ACE: variants seen among roughly 807,000 people sequenced by gnomAD.
ACE encodes the protein angiotensin I converting enzyme.
Under a neutral mutation model 162.3 loss-of-function variants are expected in ACE, and 122 were observed. That is an observed-to-expected ratio of 0.75 (90% CI 0.65 to 0.87). The LOEUF (loss-of-function observed/expected upper bound fraction) is 0.87, where lower values mean the gene tolerates loss of function less well. Among genes scored for constraint, ACE ranks in the 40% least tolerant of loss-of-function variants. ACE has a pLI of 0.00. For synonymous variants in ACE, 796 were observed against 720.6 expected (o/e 1.10, Z -1.68); for missense variants, 1,799 against 1,735.1 (o/e 1.04, Z -0.65).
intron 22 of ACE, chr17:63,496,177 A>G: frequency 3.2e-6 from 2 of 627,958 alleles, no homozygotes; most frequent in Non-Finnish European, 5.6e-6. Context: ...GGTGGGAGGC[A>G]TCTACACAGG....
intron 14 of ACE, 67 bp from the exon 15 acceptor site, chr17:63,486,919 G>C (rs1157393232): frequency 3.4e-5 from 51 of 1,497,694 alleles, no homozygotes; most frequent in South Asian, 2.6e-4. Flanking sequence ...GGGCCTGGGG[G>C]TAGTGCAGGC....
At position 63,483,567 on chromosome 17, in the gene ACE, G is replaced by GCGGGGGGGGGGGCCCGCCCCCCCCCCC; in HGVS notation, c.1586+10_1586+11insGGGGGGGGGGGCCCGCCCCCCCCCCCC. 6.3e-7 allele frequency: 1 copy of GCGGGGGGGGGGGCCCGCCCCCCCCCCC among 1,589,582 alleles called. No individual in the cohort carries two copies. The highest frequency in any genetic ancestry group is 8.6e-7 in the Non-Finnish European group (1 of 1,165,688). ...GTGACACCATACATCAGGTATTAGC[G>GCGGGGGGGGGGGCCCGCCCCCCCCCCC]CCCCCACCCCACCCACCCCCAGTAC... On this transcript the variant is annotated intron_variant, in intron 10 of 24. Coordinates refer to ENST00000290866, the MANE Select transcript of ACE (RefSeq NM_000789.4).
chr17:63,477,087 A>T lies in ACE; in HGVS notation c.-8A>T. On this transcript the variant is annotated 5_prime_UTR_variant, in exon 1 of 25. Coordinates refer to ENST00000290866, the MANE Select transcript of ACE (RefSeq NM_000789.4). ...GAAGGGGCAGAGCCGAGCACCGCGC[A>T]CCGCGTCATGGGGGCCGCCTCGGGC... The T allele has an allele frequency of 7.7e-7, 1 of 1,300,534 alleles. No individual in the cohort carries two copies. The highest frequency in any genetic ancestry group is 9.7e-7 in the Non-Finnish European group (1 of 1,032,354). The allele number at this position is 1,300,534 out of a possible 1,614,324, so 80.6% of individuals were successfully genotyped here. A position where few individuals can be genotyped will look rare whatever the true frequency, so the allele number is the denominator to read the frequency against.
intron 19 of ACE, among the ~76,000 whole-genome samples, chr17:63,492,521 G>T (rs1174857745): frequency 6.6e-6 from 1 of 152,216 alleles, no homozygotes; most frequent in East Asian, 1.9e-4. Context: ...GACAGGATCT[G>T]GGGGATGAGA....
At chr17:63,481,008 C>T (rs1599139870) in intron 5 of ACE, 83 bp from the exon 6 acceptor site, 4 of 1,382,390 alleles carry the variant, frequency 2.9e-6, no homozygotes, top group Non-Finnish European at 3.1e-6. Flanking sequence ...CAGGTGCCGG[C>T]CCCAGGGTGC....
chr17:63,493,405 A>AACACCCTCTCCCC, intron 19 of ACE, 31 bp from the exon 20 acceptor site: 1 of 1,608,884 alleles, frequency 6.2e-7, no homozygotes, highest in Non-Finnish European at 8.5e-7. Context: ...GTCCTCTCCC[A>AACACCCTCTCCCC]ACACCCTCTC....
intron 13 of ACE, 103 bp from the exon 14 acceptor site, chr17:63,486,454 C>T (rs1440688043): frequency 7.6e-7 from 1 of 1,307,672 alleles, no homozygotes; most frequent in Non-Finnish European, 1.1e-6. Flanking sequence ...TTCCACTGCC[C>T]CCTCACCACC....
In ACE at chr17:63,483,012, A is replaced by C; in HGVS notation, c.1343-17A>C. 1 of 1,613,458 alleles carries C rather than the reference A, an allele frequency of 6.2e-7. No individual in the cohort carries two copies. The highest frequency in any genetic ancestry group is 1.6e-4 in the Middle Eastern group (1 of 6,062). ...CCTCTGACCTCTTCCCTCTCCTTTC[A>C]TCTCATCTCCCAACAGAAAGTGACA... On this transcript the variant is annotated splice_polypyrimidine_tract_variant and intron_variant, in intron 8 of 24. Transcript: ENST00000290866.
chr17:63,484,403 G>A lies in ACE; in HGVS notation c.1783G>A (p.Asp595Asn). The A allele has an allele frequency of 6.2e-7, 1 of 1,612,158 alleles. No homozygotes were observed. The highest frequency in any genetic ancestry group is 8.5e-7 in the Non-Finnish European group (1 of 1,179,878). The change falls in exon 12 of 25, where the codon GAT (aspartate) becomes AAT (asparagine). Residue 595 changes from aspartate to asparagine, a missense_variant. Physicochemically the swap from Asp to Asn is conservative, Grantham distance 23 (BLOSUM62 1). Coordinates refer to ENST00000290866, the MANE Select transcript of ACE (RefSeq NM_000789.4). The surrounding 1 kb of genome is among the most constrained non-coding windows in gnomAD (Gnocchi z 4.0). ...GGACATGGTCGGCTTAGATGCCCTGGATGCCCAGCCGCTGCTCAAGTACTT... is the reference window on the plus strand; with the variant it reads ...GGACATGGTCGGCTTAGATGCCCTGAATGCCCAGCCGCTGCTCAAGTACTT... The part of the protein sequence containing the change: ...LKDMVGLDAL[D>N]AQPLLKYFQP...
chr17:63,477,363 C>CG lies in ACE; in HGVS notation c.249+25dup, dbSNP rs755617014. 8.4e-7 allele frequency: 1 copy of CG among 1,183,834 alleles called. No individual in the cohort carries two copies. The highest frequency in any genetic ancestry group is 1.7e-5 in the African/African-American group (1 of 59,902). The allele number at this position is 1,183,834 out of a possible 1,614,324, so 73.3% of individuals were successfully genotyped here. Reference sequence around the variant, plus strand: ...CGCCAGGTGGGCGCCCGGGCCCGGGCGGGGGCGGGGCGGGGCCGCGGCGGC... The same window carrying CG: ...CGCCAGGTGGGCGCCCGGGCCCGGGCGGGGGGCGGGGCGGGGCCGCGGCGGC... On this transcript the variant is annotated intron_variant, in intron 1 of 24. Coordinates refer to ENST00000290866, the MANE Select transcript of ACE (RefSeq NM_000789.4).
intron 17 of ACE, 53 bp from the exon 18 acceptor site, chr17:63,490,901 C>T: frequency 6.4e-7 from 1 of 1,556,710 alleles, no homozygotes; most frequent in Non-Finnish European, 8.9e-7. Context: ...GGGCATTGAG[C>T]CTAAGTAACA....
chr17:63,497,083 C>T, intron 24 of ACE, 54 bp from the exon 25 acceptor site: 1 of 1,590,352 alleles, frequency 6.3e-7, no homozygotes, highest in Non-Finnish European at 8.5e-7. Context: ...TGCCCCGCAC[C>T]CTTGCCCTGC....
rs150382846 is a variant in ACE, at chr17:63,477,934, G to A, written c.253G>A (p.Glu85Lys). 6.2e-5 allele frequency: 100 copies of A among 1,609,884 alleles called. No homozygotes were observed. The highest frequency in any genetic ancestry group is 8.1e-5 in the Non-Finnish European group (95 of 1,178,454). The change falls in exon 2 of 25, where the codon GAA (glutamate) becomes AAA (lysine). Residue 85 changes from glutamate to lysine, a missense_variant. Physicochemically the swap from Glu to Lys is moderately conservative, Grantham distance 56. Coordinates refer to ENST00000290866, the MANE Select transcript of ACE (RefSeq NM_000789.4). ...ITAENARRQEEAALLSQEFAE... is the reference protein window; with the variant it reads ...ITAENARRQEKAALLSQEFAE... ...CTGCCCTCCTGGTGCCCAATAGGAG[G>A]AAGCAGCCCTGCTCAGCCAGGAGTT...
Position 63,497,372 on chromosome 17 carries a change from C to A in ACE, c.*6C>A, listed in dbSNP as rs1244430913. The A allele has an allele frequency of 1.3e-6, 2 of 1,547,692 alleles. No homozygotes were observed. Among genetic ancestry groups the A allele is most frequent in the Non-Finnish European group, 1.7e-6 (2 of 1,146,624 alleles). Reference sequence around the variant, plus strand: ...TGGAGCTGAGACACTCCTGAGGTGACCCGGCTGGGTCGGCCCTGCCCAAGG... The same window carrying A: ...TGGAGCTGAGACACTCCTGAGGTGAACCGGCTGGGTCGGCCCTGCCCAAGG... On this transcript the variant is annotated 3_prime_UTR_variant, in exon 25 of 25. Transcript: ENST00000290866.
At chr17:63,486,846 A>T (rs1013313990) in intron 14 of ACE, 131 bp downstream of exon 14, 76 of 1,474,758 alleles carry the variant, frequency 5.2e-5, no homozygotes, top group East Asian at 2.5e-4. Flanking sequence ...TGCGATGTGC[A>T]CCTCAGAACT....
At chr17:63,479,172 T>TCTCG in intron 3 of ACE, 72 bp downstream of exon 3, 1 of 1,231,808 alleles carries the variant, frequency 8.1e-7, no homozygotes, top group Non-Finnish European at 1.2e-6. Flanking sequence ...CTCCAGACCA[T>TCTCG]GCAGTTGTGT....
Position 63,483,566 on chromosome 17 carries a change from C to CGCGGGGGGGGGGG in ACE, c.1586+10_1586+11insGGGGGGGGGGGGC. Reference sequence around the variant, plus strand: ...TGTGACACCATACATCAGGTATTAGCGCCCCCACCCCACCCACCCCCAGTA... The same window carrying CGCGGGGGGGGGGG: ...TGTGACACCATACATCAGGTATTAGCGCGGGGGGGGGGGGCCCCCACCCCACCCACCCCCAGTA... On this transcript the variant is annotated intron_variant, in intron 10 of 24. Coordinates refer to ENST00000290866, the MANE Select transcript of ACE (RefSeq NM_000789.4). 3.1e-6 allele frequency: 5 copies of CGCGGGGGGGGGGG among 1,598,016 alleles called. No homozygotes were observed. Among genetic ancestry groups the CGCGGGGGGGGGGG allele is most frequent in the Non-Finnish European group, 3.4e-6 (4 of 1,168,472 alleles).
Position 63,477,294 on chromosome 17 carries a change from C to G in ACE, c.200C>G (p.Ala67Gly), listed in dbSNP as rs887280103. ...AEQVLFQSVAASWAHDTNITA... is the reference protein window; with the variant it reads ...AEQVLFQSVAGSWAHDTNITA... ...CAGGTGCTGTTCCAGAGCGTGGCCG[C>G]CAGCTGGGCGCACGACACCAACATC... Residue 67 changes from alanine to glycine, a missense_variant, in exon 1 of 25, where the codon GCC becomes GGC. Coordinates refer to ENST00000290866, the MANE Select transcript of ACE (RefSeq NM_000789.4). 2.1e-6 allele frequency: 3 copies of G among 1,447,982 alleles called. No individual in the cohort carries two copies. The African/African-American group carries it at 4.4e-5, about 21-fold the overall frequency. The allele number at this position is 1,447,982 out of a possible 1,614,324, so 89.7% of individuals were successfully genotyped here.
At position 63,491,078 on chromosome 17, in the gene ACE, G is replaced by T. The variant is rs763792961; in HGVS notation, c.2739+27G>T. The T allele has an allele frequency of 6.8e-6, 11 of 1,613,226 alleles. No individual in the cohort carries two copies. The highest frequency in any genetic ancestry group is 1.1e-5 in the South Asian group (1 of 91,066). ...TCCGCACCAGCCCAGGGGCAGGGAG[G>T]CCCCGCCGGGATGGGAGGGACCCTC... On this transcript the variant is annotated intron_variant, in intron 18 of 24. Coordinates refer to ENST00000290866, the MANE Select transcript of ACE (RefSeq NM_000789.4). This position sits in a 1 kb window ranked among gnomAD's most constrained non-coding sequence, Gnocchi z 4.4.
Sources: allele counts gnomAD v4.1 joint callset (sites outside exome capture counted in the v4.1 genomes callset), GRCh38; gene constraint gnomAD v4.1.1; non-coding constraint Gnocchi (gnomAD v3.1); transcripts MANE v1.5; gene names NCBI Gene and HGNC (gene_info 2026-07-23, HGNC 2026-07-21).